ERG: variants seen among roughly 807,000 people sequenced by gnomAD.
ERG encodes the protein transcriptional regulator ERG.
Under a neutral mutation model 55.3 loss-of-function variants are expected in ERG, and 9 were observed. The ratio of observed to expected loss-of-function variants is 0.16; its 90% CI spans 0.10 to 0.28. ERG has a LOEUF of 0.28. Among genes scored for constraint, ERG ranks in the 10% least tolerant of loss-of-function variants. The pLI, the probability that ERG is intolerant of heterozygous loss-of-function variation, is 1.00. For synonymous variants in ERG, 223 were observed against 237.3 expected (o/e 0.94, Z 0.55); for missense variants, 434 against 631.6 (o/e 0.69, Z 3.35).
rs547990569 is a variant in ERG at position 38,661,307 on chromosome 21, G to A, written c.-150+351C>T. 6.6e-5 allele frequency among the ~76,000 whole-genome samples: 10 copies of A among 152,312 alleles called. No individual in the cohort carries two copies. The South Asian group carries it at 1.2e-3, about 19-fold the overall frequency. The stretch of plus-strand genomic sequence containing the variant: ...CATTGAAAATAGTAAAAGTGAAAAC[G>A]GTTGCGACACTAAGACGTTTATAAA... On this transcript the variant is annotated intron_variant, in intron 1 of 10. Coordinates refer to the ERG transcript ENST00000398910.
At position 38,449,543 on chromosome 21, in the gene ERG, T is replaced by A. The variant is rs1037163162; in HGVS notation, c.19-3922A>T. Among the ~76,000 whole-genome samples the A allele has an allele frequency of 3.3e-5, 5 of 152,314 alleles. No individual in the cohort carries two copies. In the East Asian group the frequency reaches 9.7e-4, roughly 29 times the overall value. On this transcript the variant is annotated intron_variant, in intron 1 of 9. Coordinates refer to ENST00000288319, the MANE Select transcript of ERG (RefSeq NM_182918.4). ...TATTTCATATTATAACTCTAAAATA[T>A]GCATCTATTTTCAAGTAACTAGAGT...
intron 1 of ERG, among the ~76,000 whole-genome samples, chr21:38,604,680 G>C: frequency 6.6e-6 from 1 of 152,204 alleles, no homozygotes; most frequent in East Asian, 1.9e-4. Flanking sequence ...AGTATAATGT[G>C]TACATTGTTA....
intron 2 of ERG, among the ~76,000 whole-genome samples, chr21:38,437,361 C>G (rs2058800627): frequency 6.6e-6 from 1 of 152,204 alleles, no homozygotes; most frequent in South Asian, 2.1e-4. Context: ...GGGGCGCTGC[C>G]CTGTGTACTG....
At chr21:38,480,324 C>G (rs2059225631) in intron 1 of ERG, among the ~76,000 whole-genome samples, 1 of 152,142 alleles carries the variant, frequency 6.6e-6, no homozygotes, top group Non-Finnish European at 1.5e-5. Flanking sequence ...GGACTACTGT[C>G]CAAGCCAAGG....
At position 38,498,070 on chromosome 21, in the gene ERG, G is replaced by A. The variant is rs1264471135; in HGVS notation, c.18+293C>T. Among the ~76,000 whole-genome samples the A allele has an allele frequency of 6.6e-6, 1 of 152,230 alleles. No homozygotes were observed. Among genetic ancestry groups the A allele is most frequent in the Non-Finnish European group, 1.5e-5 (1 of 68,046 alleles). On this transcript the variant is annotated intron_variant, in intron 1 of 9. Coordinates refer to ENST00000288319, the MANE Select transcript of ERG (RefSeq NM_182918.4). The surrounding 1 kb of genome is among the most constrained non-coding windows in gnomAD (Gnocchi z 4.6). The stretch of plus-strand genomic sequence containing the variant: ...ATCCAGGCACCGTTAGGGATAGTTA[G>A]AGAATCTGAAAATTCAGAAGCGCTC...
At chr21:38,393,102 A>G (rs1325344422) in intron 6 of ERG, among the ~76,000 whole-genome samples, 1 of 152,216 alleles carries the variant, frequency 6.6e-6, no homozygotes, top group Non-Finnish European at 1.5e-5. Flanking sequence ...CCTGCATGAA[A>G]TGAATTACAG....
intron 1 of ERG, among the ~76,000 whole-genome samples, chr21:38,650,687 G>A (rs1245817498): frequency 1.3e-5 from 2 of 152,052 alleles, no homozygotes; most frequent in Admixed American, 6.6e-5. Context: ...AGGGTAGAAG[G>A]TTACTCAATG....
intron 1 of ERG, chr21:38,472,117 A>G (rs1176885966): frequency 1.3e-5 from 2 of 152,196 alleles, no homozygotes; most frequent in Non-Finnish European, 2.9e-5. Flanking sequence ...AAAACCCAGG[A>G]GGGCAGAGAC....
chr21:38,651,472 C>A (rs186981712), intron 1 of ERG, among the ~76,000 whole-genome samples: 15 of 152,314 alleles, frequency 9.8e-5, no homozygotes, highest in African/African-American at 3.1e-4. Context: ...TGTAAATATA[C>A]ACTACACAAT....
chr21:38,398,489 C>T (rs1988333378), intron 6 of ERG, among the ~76,000 whole-genome samples: 1 of 152,176 alleles, frequency 6.6e-6, no homozygotes, highest in Non-Finnish European at 1.5e-5. Context: ...CGAAAACATA[C>T]TTGACTAGTA....
chr21:38,628,239 C>T (rs2060336999), intron 1 of ERG, among the ~76,000 whole-genome samples: 1 of 152,178 alleles, frequency 6.6e-6, no homozygotes, highest in African/African-American at 2.4e-5. Context: ...TGTGAGCCAC[C>T]ATACACAGCC....
intron 1 of ERG, among the ~76,000 whole-genome samples, chr21:38,608,991 TCAAA>T (rs1259169218): frequency 1.3e-5 from 2 of 152,168 alleles, no homozygotes; most frequent in Non-Finnish European, 2.9e-5. Flanking sequence ...GATACTACAG[TCAAA>T]CAGATTAACA....
At chr21:38,525,234 T>A (rs769504327) in intron 2 of ERG, among the ~76,000 whole-genome samples, 5 of 152,092 alleles carry the variant, frequency 3.3e-5, no homozygotes, top group African/African-American at 4.8e-5. Context: ...ACACGTGGTG[T>A]AGCTGACACC....
intron 2 of ERG, among the ~76,000 whole-genome samples, chr21:38,513,377 T>C (rs1337454048): frequency 6.6e-6 from 1 of 152,016 alleles, no homozygotes; most frequent in African/African-American, 2.4e-5. Flanking sequence ...GGAAATTGGG[T>C]AAAGGATTTG....
At chr21:38,550,859 T>A (rs1046136769) in intron 2 of ERG, among the ~76,000 whole-genome samples, 1 of 152,152 alleles carries the variant, frequency 6.6e-6, no homozygotes, top group Non-Finnish European at 1.5e-5. Context: ...ATAAGGCAGA[T>A]AAATCAGCAA....
chr21:38,384,033 T>C, intron 9 of ERG, 110 bp from the exon 10 acceptor site: 1 of 1,406,888 alleles, frequency 7.1e-7, no homozygotes, highest in Non-Finnish European at 9.5e-7. Context: ...CCACATTCCC[T>C]TCACCAGGCC....
intron 1 of ERG, among the ~76,000 whole-genome samples, chr21:38,606,125 A>G (rs2060195641): frequency 1.3e-5 from 2 of 151,972 alleles, no homozygotes; most frequent in Non-Finnish European, 2.9e-5. Context: ...AGATAGGTAG[A>G]TAGATAGATA....
chr21:38,656,708 G>T (rs559958674), intron 1 of ERG, among the ~76,000 whole-genome samples: 1 of 152,228 alleles, frequency 6.6e-6, no homozygotes, highest in African/African-American at 2.4e-5. Flanking sequence ...ACTAAATAAG[G>T]CTTCGCTCCT....
chr21:38,588,209 T>C (rs1310282068), upstream of ERG, among the ~76,000 whole-genome samples: 1 of 152,194 alleles, frequency 6.6e-6, no homozygotes, highest in Admixed American at 6.5e-5. Context: ...TACAGTCGTT[T>C]GAGAACATTG....
Sources: allele counts gnomAD v4.1 joint callset (sites outside exome capture counted in the v4.1 genomes callset), GRCh38; gene constraint gnomAD v4.1.1; non-coding constraint Gnocchi (gnomAD v3.1); transcripts MANE v1.5; gene names NCBI Gene and HGNC (gene_info 2026-07-23, HGNC 2026-07-21).